The following COLEC12 variants were observed in gnomAD, a reference collection of about 807,000 sequenced individuals.
COLEC12 encodes collectin-12.
In COLEC12, 33 loss-of-function variants were observed where a neutral mutation model predicts 71.1. The ratio of observed to expected loss-of-function variants is 0.46; its 90% CI spans 0.35 to 0.62. The LOEUF (loss-of-function observed/expected upper bound fraction) is 0.62, where lower values mean the gene tolerates loss of function less well. Ranked by LOEUF, COLEC12 falls within the 20% of genes least tolerant of loss-of-function variation. The pLI is 0.00. For missense variants in COLEC12, 765 were observed against 916.1 expected, an observed-to-expected ratio of 0.84 and a Z score of 2.13; for synonymous variants, 350 against 353.0, an observed-to-expected ratio of 0.99 and a Z score of 0.10.
chr18:395,857 C>T (rs1162858617), intron 2 of COLEC12, among the ~76,000 whole-genome samples: 3 of 152,180 alleles, frequency 2.0e-5, no homozygotes, highest in African/African-American at 7.2e-5. Context: ...AAGCACATGT[C>T]ACATCTGCTT....
At chr18:330,231 C>G (rs1264537912) in intron 8 of COLEC12, among the ~76,000 whole-genome samples, 1 of 152,216 alleles carries the variant, frequency 6.6e-6, no homozygotes, top group East Asian at 1.9e-4. Flanking sequence ...TTAAAAAACT[C>G]GATCTGGCTT....
intron 2 of COLEC12, among the ~76,000 whole-genome samples, chr18:441,376 T>C (rs1401561096): frequency 6.6e-6 from 1 of 152,188 alleles, no homozygotes; most frequent in Non-Finnish European, 1.5e-5. Context: ...CTTTGGAAAC[T>C]ATCTTCAAGG....
chr18:403,028 T>G (rs997730729), intron 2 of COLEC12, among the ~76,000 whole-genome samples: 1 of 152,200 alleles, frequency 6.6e-6, no homozygotes, highest in Non-Finnish European at 1.5e-5. Context: ...AGGACTAGAC[T>G]TCAGAACCAA....
At chr18:370,111 AAT>A (rs1199560800) in intron 2 of COLEC12, among the ~76,000 whole-genome samples, 1 of 152,188 alleles carries the variant, frequency 6.6e-6, no homozygotes, top group Non-Finnish European at 1.5e-5. Context: ...CAGAAATCAA[AAT>A]AGGAAAAAAT....
At chr18:333,221 G>T in intron 6 of COLEC12, 78 bp from the exon 7 acceptor site, 2 of 1,288,950 alleles carry the variant, frequency 1.6e-6, no homozygotes, top group Non-Finnish European at 2.2e-6. Context: ...TGTTTCAGAG[G>T]CCAAAACTGT....
intron 2 of COLEC12, among the ~76,000 whole-genome samples, chr18:467,273 A>C (rs1183841568): frequency 6.6e-6 from 1 of 152,198 alleles, no homozygotes; most frequent in East Asian, 1.9e-4. Flanking sequence ...AAGCTTGTTA[A>C]ATATATGTGC....
At chr18:452,902 A>G (rs942598999) in intron 2 of COLEC12, among the ~76,000 whole-genome samples, 1 of 152,234 alleles carries the variant, frequency 6.6e-6, no homozygotes, top group African/African-American at 2.4e-5. Flanking sequence ...ATTCTGTCCC[A>G]CTGAAATAGC....
At chr18:495,495 A>T (rs970627183) in intron 1 of COLEC12, among the ~76,000 whole-genome samples, 4 of 152,238 alleles carry the variant, frequency 2.6e-5, no homozygotes, top group African/African-American at 9.6e-5. Context: ...ACATTCATTC[A>T]ATCAGCGGTA....
At chr18:368,826 A>G (rs1217135406) in intron 2 of COLEC12, among the ~76,000 whole-genome samples, 3 of 152,240 alleles carry the variant, frequency 2.0e-5, no homozygotes, top group African/African-American at 2.4e-5. Flanking sequence ...AGATCACGTC[A>G]CTGCACTCCA....
intron 8 of COLEC12, among the ~76,000 whole-genome samples, chr18:322,991 G>C (rs1291555335): frequency 6.6e-6 from 1 of 152,210 alleles, no homozygotes; most frequent in African/African-American, 2.4e-5. Flanking sequence ...TTGGGGGGCT[G>C]AGGCAGATGG....
chr18:486,922 A>C (rs1055558560), intron 1 of COLEC12, among the ~76,000 whole-genome samples: 1 of 152,232 alleles, frequency 6.6e-6, no homozygotes, highest in Non-Finnish European at 1.5e-5. Flanking sequence ...TTTCTCAAAA[A>C]GTTAAACATA....
At chr18:486,768 T>C (rs1917526708) in intron 1 of COLEC12, among the ~76,000 whole-genome samples, 2 of 152,200 alleles carry the variant, frequency 1.3e-5, no homozygotes, top group South Asian at 2.1e-4. Context: ...AGGAGGACTG[T>C]TGGAACATAA....
chr18:409,424 C>A (rs1213007403), intron 2 of COLEC12, among the ~76,000 whole-genome samples: 2 of 152,100 alleles, frequency 1.3e-5, no homozygotes, highest in Non-Finnish European at 2.9e-5. Flanking sequence ...ATCCCAGCTA[C>A]TCGGGAGGCT....
Position 319,211 on chromosome 18 carries a change from G to C in COLEC12, c.*834C>G, listed in dbSNP as rs1913625594. 2 of 151,754 alleles carry C rather than the reference G, an allele frequency of 1.3e-5. No individual in the cohort carries two copies. The highest frequency in any genetic ancestry group is 2.4e-5 in the African/African-American group (1 of 41,312). 9.4% of individuals were successfully genotyped at this position (151,754 alleles called of 1,614,324 possible). On this transcript the variant is annotated 3_prime_UTR_variant, in exon 10 of 10. Coordinates refer to ENST00000400256, the MANE Select transcript of COLEC12 (RefSeq NM_130386.3). ...TTGGCTGGTGATGGGCTCAAGGCAG[G>C]CACAGCCCGCTTCACTGTGCATGTG...
In COLEC12 at chr18:359,789, G is replaced by T. The variant is rs564849347; in HGVS notation, c.59-2267C>A. ...TCCCCCAGGAGCAACAGCACATAAA[G>T]GACTGATCTATAACTGTGCTCAATA... On this transcript the variant is annotated intron_variant, in intron 2 of 9. Coordinates refer to ENST00000400256, the MANE Select transcript of COLEC12 (RefSeq NM_130386.3). 2.6e-5 allele frequency among the ~76,000 whole-genome samples: 4 copies of T among 152,284 alleles called. No individual in the cohort carries two copies. In the East Asian group the frequency reaches 7.7e-4, roughly 29 times the overall value.
chr18:481,419 T>C (rs1917413211), intron 1 of COLEC12, among the ~76,000 whole-genome samples: 1 of 152,166 alleles, frequency 6.6e-6, no homozygotes, highest in Non-Finnish European at 1.5e-5. Context: ...AGAAGAGAGA[T>C]GTCGGCCGGG....
At position 456,582 on chromosome 18, in the gene COLEC12, C is replaced by T. The variant is rs916160039; in HGVS notation, c.58+24125G>A. Among the ~76,000 whole-genome samples the T allele has an allele frequency of 1.1e-4, 16 of 152,216 alleles. 1 individual carries two copies. Among genetic ancestry groups the T allele is most frequent in the African/African-American group, 3.4e-4 (14 of 41,456 alleles). ...CTTCACTAGAGCCTTCCCACACCTC[C>T]GCTTAGGAAGGTCACAAACCCATTT... On this transcript the variant is annotated intron_variant, in intron 2 of 9. Coordinates refer to ENST00000400256, the MANE Select transcript of COLEC12 (RefSeq NM_130386.3).
intron 2 of COLEC12, among the ~76,000 whole-genome samples, chr18:479,303 G>A (rs573073372): frequency 3.6e-4 from 55 of 152,276 alleles, no homozygotes; most frequent in Non-Finnish European, 5.3e-4. Flanking sequence ...GGCTGCACGC[G>A]GGCCGCTCTG....
At chr18:418,257 A>T (rs1418206172) in intron 2 of COLEC12, among the ~76,000 whole-genome samples, 2 of 152,240 alleles carry the variant, frequency 1.3e-5, no homozygotes, top group Non-Finnish European at 2.9e-5. Context: ...AGCCACATAA[A>T]CACCAAGTAT....
Sources: gnomAD v4.1 joint callset for allele counts (sites outside exome capture counted in the v4.1 genomes callset) on GRCh38, gnomAD v4.1.1 for gene constraint, MANE v1.5 for transcripts, NCBI Gene and HGNC (gene_info 2026-07-23, HGNC 2026-07-21) for gene names.